The following PDCD4 variants were observed in gnomAD, a reference collection of about 807,000 sequenced individuals.
PDCD4 encodes programmed cell death protein 4.
PDCD4 carries 56 observed loss-of-function variants against 54.0 expected under a neutral mutation model. The ratio of observed to expected loss-of-function variants is 1.04; its 90% CI spans 0.84 to 1.30. The LOEUF (loss-of-function observed/expected upper bound fraction) is 1.30, where lower values mean the gene tolerates loss of function less well. Ranked by LOEUF, PDCD4 falls within the 50% of genes most tolerant of loss-of-function variation. The probability of loss-of-function intolerance (pLI) is 0.00; values close to 1 mark genes in which losing one functional copy is unlikely to be tolerated. For synonymous variants in PDCD4, 186 were observed against 194.8 expected (o/e 0.95, Z 0.37); for missense variants, 584 against 559.8 (o/e 1.04, Z -0.44).
intron 8 of PDCD4, among the ~76,000 whole-genome samples, chr10:110,893,071 A>C (rs1439243944): frequency 6.6e-6 from 1 of 151,990 alleles, no homozygotes; most frequent in Non-Finnish European, 1.5e-5. Context: ...AGGCTATACC[A>C]TCTAGGTTTT....
At chr10:110,894,668 G>T in intron 10 of PDCD4, 146 bp downstream of exon 10, 6 of 337,352 alleles carry the variant, frequency 1.8e-5, no homozygotes, top group Non-Finnish European at 2.7e-5. Flanking sequence ...TAATGGTAAT[G>T]TTTGAGGTTT....
chr10:110,875,773 C>T (rs924762607), intron 1 of PDCD4, among the ~76,000 whole-genome samples, 193 bp from the exon 2 acceptor site: 10 of 151,392 alleles, frequency 6.6e-5, no homozygotes, highest in Admixed American at 5.3e-4. Context: ...ATAAATTTAT[C>T]AAAAAGATTG....
At position 110,883,215 on chromosome 10, in the gene PDCD4, A is replaced by G. The variant is rs1018682125; in HGVS notation, c.441+118A>G. ...ATGTATAAATGTTTTGGATTAGGAA[A>G]CCAAGTAAACTGACAGTAATACATG... On this transcript the variant is annotated intron_variant, in intron 4 of 11. Coordinates refer to ENST00000280154, the MANE Select transcript of PDCD4 (RefSeq NM_014456.5). The G allele has an allele frequency of 4.6e-6, 3 of 651,570 alleles. No individual in the cohort carries two copies. The South Asian group carries it at 5.7e-5, about 12-fold the overall frequency. The allele number at this position is 651,570 out of a possible 1,614,324, so 40.4% of individuals were successfully genotyped here.
At chr10:110,882,284 T>C (rs1845603561) in intron 3 of PDCD4, among the ~76,000 whole-genome samples, 1 of 152,186 alleles carries the variant, frequency 6.6e-6, no homozygotes, top group East Asian at 1.9e-4. Context: ...AATAAAAACC[T>C]CCAAAAACAG....
Position 110,881,357 on chromosome 10 carries a change from T to TG in PDCD4, c.169dup (p.Ala57GlyfsTer27). 1 of 1,614,160 alleles carries TG rather than the reference T, an allele frequency of 6.2e-7. No homozygotes were observed. The highest frequency in any genetic ancestry group is 8.5e-7 in the Non-Finnish European group (1 of 1,180,030). On this transcript the variant is annotated frameshift_variant, in exon 3 of 12. Coordinates refer to ENST00000280154, the MANE Select transcript of PDCD4 (RefSeq NM_014456.5). LOFTEE classifies it high-confidence loss of function. ...CCTCCATTAACGAAGCTAGAATTAA[T>TG]GCCAAGGCAAAAAGGCGACTAAGGA...
intron 10 of PDCD4, among the ~76,000 whole-genome samples, chr10:110,894,752 T>C (rs1845806275): frequency 6.6e-6 from 1 of 150,462 alleles, no homozygotes; most frequent in African/African-American, 2.4e-5. Context: ...CTTTAACAAA[T>C]GTAATTATGT....
At chr10:110,879,079 CTTCA>C (rs1422111043) in intron 2 of PDCD4, among the ~76,000 whole-genome samples, 2 of 152,088 alleles carry the variant, frequency 1.3e-5, no homozygotes, top group African/African-American at 2.4e-5. Context: ...CTTAAAAGTC[CTTCA>C]TTATTTTCTT....
intron 2 of PDCD4, among the ~76,000 whole-genome samples, chr10:110,879,613 A>G (rs1845559422): frequency 6.6e-6 from 1 of 150,942 alleles, no homozygotes; most frequent in Admixed American, 6.7e-5. Flanking sequence ...AGATTGCACC[A>G]CTGCACTCCA....
intron 1 of PDCD4, among the ~76,000 whole-genome samples, chr10:110,875,287 C>G (rs953993029): frequency 6.6e-6 from 1 of 152,160 alleles, no homozygotes; most frequent in South Asian, 2.1e-4. Context: ...TGTCGTTGTA[C>G]TTACTCCTTT....
intron 3 of PDCD4, among the ~76,000 whole-genome samples, chr10:110,882,273 A>G (rs1348837812): frequency 6.6e-6 from 1 of 152,232 alleles, no homozygotes; most frequent in African/African-American, 2.4e-5. Flanking sequence ...ACTTGGTACA[A>G]AATAAAAACC....
At position 110,894,104 on chromosome 10, in the gene PDCD4, TG is replaced by T; in HGVS notation, c.1005del (p.Glu337AsnfsTer33). On this transcript the variant is annotated frameshift_variant, in exon 9 of 12. Transcript: ENST00000280154. LOFTEE classifies it high-confidence loss of function. ...NHLVKEIDMLLKEYLLSGDIS... is the reference protein window; with the variant it reads ...NHLVKEIDMLXKEYLLSGDIS... ...TAAATCTAATAGATTGATATGCTGC[TG>T]AAAGAATATTTACTCTCTGGAGACA... 6.3e-7 allele frequency: 1 copy of T among 1,597,014 alleles called. No individual in the cohort carries two copies. Among genetic ancestry groups the T allele is most frequent in the Non-Finnish European group, 8.6e-7 (1 of 1,165,362 alleles).
chr10:110,899,796 CA>C lies in PDCD4; in HGVS notation c.*1723del, dbSNP rs200583503. 0.51 allele frequency: 69,985 copies of C among 137,720 alleles called. 19,200 individuals are homozygous for C. Among genetic ancestry groups the C allele is most frequent in the Non-Finnish European group, 0.65 (41,512 of 64,324 alleles). 8.5% of individuals were successfully genotyped at this position (137,720 alleles called of 1,614,324 possible). A position where few individuals can be genotyped will look rare whatever the true frequency, so the allele number is the denominator to read the frequency against. On this transcript the variant is annotated 3_prime_UTR_variant, in exon 12 of 12. Coordinates refer to ENST00000280154, the MANE Select transcript of PDCD4 (RefSeq NM_014456.5). ...GGCAACAAGAGTGAAACTCTTGTCT[CA>C]AAAAAAAAAAAAAATGAGGTTTAAG...
At position 110,898,975 on chromosome 10, in the gene PDCD4, A is replaced by T. The variant is rs1297941842; in HGVS notation, c.*887A>T. ...TCCATTGTTATCTGACCTAGAGCTT[A>T]ATTAAGTTTTAGAAATATGTAATAC... is the stretch of plus-strand genomic sequence containing the variant. On this transcript the variant is annotated 3_prime_UTR_variant, in exon 12 of 12. Transcript: ENST00000280154. 6.6e-6 allele frequency: 1 copy of T among 151,424 alleles called. No homozygotes were observed. Among genetic ancestry groups the T allele is most frequent in the Non-Finnish European group, 1.5e-5 (1 of 67,794 alleles). 9.4% of individuals were successfully genotyped at this position (151,424 alleles called of 1,614,324 possible). A position where few individuals can be genotyped will look rare whatever the true frequency, so the allele number is the denominator to read the frequency against.
chr10:110,888,496 GA>G (rs1172438000), intron 6 of PDCD4, among the ~76,000 whole-genome samples: 1 of 151,988 alleles, frequency 6.6e-6, no homozygotes, highest in African/African-American at 2.4e-5. Context: ...CATACTTTAA[GA>G]AAATGATTAC....
chr10:110,872,332 C>T (rs1845424281), intron 1 of PDCD4: 1 of 152,440 alleles, frequency 6.6e-6, no homozygotes, highest in African/African-American at 2.4e-5. Context: ...GCGCGAGGCG[C>T]TCGCCCTTGA....
chr10:110,879,715 T>G (rs985658221), intron 2 of PDCD4, among the ~76,000 whole-genome samples: 1 of 152,046 alleles, frequency 6.6e-6, no homozygotes, highest in Admixed American at 6.5e-5. Context: ...TAAAGGATCT[T>G]CAGTGAGGGC....
At chr10:110,876,188 G>A (rs1158336660) in intron 2 of PDCD4, 118 bp downstream of exon 2, 3 of 688,834 alleles carry the variant, frequency 4.4e-6, no homozygotes, top group African/African-American at 3.8e-5. Flanking sequence ...ACTTTCCTGG[G>A]CTTAAGAGAT....
At chr10:110,897,951 A>T in intron 11 of PDCD4, 77 bp from the exon 12 acceptor site, 1 of 1,043,686 alleles carries the variant, frequency 9.6e-7, no homozygotes, top group Non-Finnish European at 1.4e-6. Context: ...AAAAATACCA[A>T]GTTTTTAATT....
chr10:110,884,264 C>T (rs1297788456), intron 4 of PDCD4, among the ~76,000 whole-genome samples: 2 of 152,114 alleles, frequency 1.3e-5, no homozygotes, highest in Non-Finnish European at 2.9e-5. Flanking sequence ...TCTAGGTTAT[C>T]GGATTGAGAA....
Sources: allele counts gnomAD v4.1 joint callset (sites outside exome capture counted in the v4.1 genomes callset), GRCh38; gene constraint gnomAD v4.1.1; transcripts MANE v1.5; gene names NCBI Gene and HGNC (gene_info 2026-07-23, HGNC 2026-07-21).